The following BICD2 variants were observed in gnomAD, a reference collection of about 807,000 sequenced individuals.
The protein encoded by BICD2 is protein bicaudal D homolog 2.
In BICD2, 25 loss-of-function variants were observed where a neutral mutation model predicts 72.9. The observed-to-expected ratio is 0.34, with a 90% CI of 0.25 to 0.48. The LOEUF is 0.48. BICD2 is among the 20% of genes least tolerant of loss of function. The pLI, the probability that BICD2 is intolerant of heterozygous loss-of-function variation, is 0.99. For missense variants in BICD2, 894 were observed against 1,175.2 expected, an observed-to-expected ratio of 0.76 and a Z score of 3.50; for synonymous variants, 501 against 516.1, an observed-to-expected ratio of 0.97 and a Z score of 0.40.
intron 1 of BICD2, among the ~76,000 whole-genome samples, chr9:92,734,878 C>T (rs746128426): frequency 7.9e-5 from 12 of 152,318 alleles, no homozygotes; most frequent in South Asian, 2.1e-4. Flanking sequence ...CCATCCCACC[C>T]GTGCCCACAA....
At position 92,714,870 on chromosome 9, in the gene BICD2, C is replaced by T; in HGVS notation, c.*284G>A. 1 of 1,219,332 alleles carries T rather than the reference C, an allele frequency of 8.2e-7. No individual in the cohort carries two copies. The highest frequency in any genetic ancestry group is 3.8e-5 in the East Asian group (1 of 26,340). 75.5% of individuals were successfully genotyped at this position (1,219,332 alleles called of 1,614,324 possible). A position where few individuals can be genotyped will look rare whatever the true frequency, so the allele number is the denominator to read the frequency against. ...GTGCGCAGGGCTTAGAAGATGCTTT[C>T]ATCACACATCTGCTGCAAGAATGTG... On this transcript the variant is annotated 3_prime_UTR_variant, in exon 7 of 7. Coordinates refer to ENST00000356884, the MANE Select transcript of BICD2 (RefSeq NM_001003800.2).
At chr9:92,728,585 A>T (rs189595438) in intron 2 of BICD2, among the ~76,000 whole-genome samples, 31 of 152,276 alleles carry the variant, frequency 2.0e-4, no homozygotes, top group Admixed American at 6.5e-4. Flanking sequence ...TCTCCATGGA[A>T]TATTTGGGGT....
At chr9:92,748,159 T>C (rs547837942) in intron 1 of BICD2, among the ~76,000 whole-genome samples, 1 of 152,126 alleles carries the variant, frequency 6.6e-6, no homozygotes, top group Non-Finnish European at 1.5e-5. Flanking sequence ...CACACCCCCG[T>C]GACTCAGCAG....
intron 1 of BICD2, among the ~76,000 whole-genome samples, chr9:92,730,867 A>C (rs1853666634): frequency 6.6e-6 from 1 of 152,202 alleles, no homozygotes; most frequent in Non-Finnish European, 1.5e-5. Context: ...CCACCCATCA[A>C]CACAACACCC....
intron 1 of BICD2, among the ~76,000 whole-genome samples, chr9:92,740,414 A>G (rs2131521032): frequency 6.6e-6 from 1 of 152,272 alleles, no homozygotes; most frequent in East Asian, 1.9e-4. Context: ...GATCTCTTAA[A>G]TATATCTGTA....
chr9:92,748,333 C>T (rs1156794152), intron 1 of BICD2, among the ~76,000 whole-genome samples: 4 of 152,176 alleles, frequency 2.6e-5, no homozygotes, highest in Non-Finnish European at 4.4e-5. Context: ...TTCAAACCCC[C>T]GGGTGTAAAC....
At position 92,718,852 on chromosome 9, in the gene BICD2, G is replaced by C. The variant is rs752113639; in HGVS notation, c.1793C>G (p.Ala598Gly). Residue 598 changes from alanine (A) to glycine (G), a missense_variant, in exon 5 of 7, where the codon GCA becomes GGA. By Grantham distance (60) the Ala-to-Gly change is moderately conservative. Coordinates refer to ENST00000356884, the MANE Select transcript of BICD2 (RefSeq NM_001003800.2). Reference protein sequence around the residue: ...KGLLAPEAGRADGGTGDSSPS... With the variant: ...KGLLAPEAGRGDGGTGDSSPS... ...GCTGCTGTCCCCCGTCCCACCATCT[G>C]CTCGGCCCGCCTCAGGAGCCAGCAG... The C allele has an allele frequency of 8.7e-6, 14 of 1,601,442 alleles. No individual in the cohort carries two copies. The South Asian group carries it at 1.4e-4, about 16-fold the overall frequency.
intron 1 of BICD2, among the ~76,000 whole-genome samples, chr9:92,742,448 G>A (rs941938532): frequency 2.0e-5 from 3 of 149,924 alleles, no homozygotes; most frequent in East Asian, 2.0e-4. Flanking sequence ...GCAGTGGCGC[G>A]ATCTTGGCTC....
At chr9:92,734,197 T>C (rs944154517) in intron 1 of BICD2, among the ~76,000 whole-genome samples, 1 of 152,178 alleles carries the variant, frequency 6.6e-6, no homozygotes, top group Non-Finnish European at 1.5e-5. Context: ...TAAGTGAAGT[T>C]AATCTATGCT....
intron 1 of BICD2, among the ~76,000 whole-genome samples, chr9:92,743,256 G>A (rs933371436): frequency 1.3e-5 from 2 of 151,402 alleles, no homozygotes; most frequent in African/African-American, 4.8e-5. Flanking sequence ...GTAGTGGTGA[G>A]ATCACAGCTC....
chr9:92,740,994 T>C (rs1410047016), intron 1 of BICD2, among the ~76,000 whole-genome samples: 8 of 152,126 alleles, frequency 5.3e-5, no homozygotes, highest in Non-Finnish European at 1.0e-4. Context: ...GCCTAAAGTG[T>C]CCCTGTCCAC....
Position 92,715,391 on chromosome 9 carries a change from C to A in BICD2, c.2331G>T (p.Thr777=). The change falls in exon 7 of 7, where the codon ACG becomes ACT. Residue 777 remains threonine (T), a synonymous_variant. Transcript: ENST00000356884. ...TGGCCATGCGCAGCAGCGAGTTCAGCGTCTTCTTCTCGTCCTCAGCAGCCG... is the reference window on the plus strand; with the variant it reads ...TGGCCATGCGCAGCAGCGAGTTCAGAGTCTTCTTCTCGTCCTCAGCAGCCG... The part of the protein sequence containing the change: ...QLAAAEDEKK[T]LNSLLRMAIQ... The A allele has an allele frequency of 6.2e-7, 1 of 1,610,258 alleles. No homozygotes were observed. The highest frequency in any genetic ancestry group is 8.5e-7 in the Non-Finnish European group (1 of 1,177,414).
At chr9:92,718,194 G>A (rs931966287) in intron 5 of BICD2, among the ~76,000 whole-genome samples, 8 of 152,178 alleles carry the variant, frequency 5.3e-5, no homozygotes, top group Non-Finnish European at 1.2e-4. Context: ...GGACCTCCAC[G>A]AAGCCCCACA....
chr9:92,762,468 G>C (rs536600186), intron 1 of BICD2, among the ~76,000 whole-genome samples: 8 of 152,116 alleles, frequency 5.3e-5, no homozygotes, highest in Non-Finnish European at 1.2e-4. Context: ...AGGAGAACTA[G>C]ATTCAGAACA....
intron 1 of BICD2, among the ~76,000 whole-genome samples, chr9:92,731,676 CTGGAAGATGG>C (rs1031814544): frequency 6.6e-5 from 10 of 152,228 alleles, no homozygotes; most frequent in African/African-American, 2.2e-4. Flanking sequence ...CAAGGAGGGA[CTGGAAGATGG>C]CGGAAGATGG....
chr9:92,727,945 G>A (rs1275533859), intron 2 of BICD2, among the ~76,000 whole-genome samples: 1 of 152,200 alleles, frequency 6.6e-6, no homozygotes, highest in East Asian at 1.9e-4. Flanking sequence ...ATGAGGCTTT[G>A]CTCACACTGT....
chr9:92,712,825 T>C lies in BICD2; in HGVS notation c.*2329A>G, dbSNP rs41273372. 0.014 allele frequency: 2,133 copies of C among 152,556 alleles called. 20 individuals carry two copies. The highest frequency in any genetic ancestry group is 0.019 in the Non-Finnish European group (1,322 of 68,046). 9.5% of individuals were successfully genotyped at this position (152,556 alleles called of 1,614,324 possible). ...CCTGGATTTCTTAATGAACATGGCA[T>C]TTAAAATCTGTAATTTCAAACATGA... On this transcript the variant is annotated 3_prime_UTR_variant, in exon 7 of 7. Coordinates refer to ENST00000356884, the MANE Select transcript of BICD2 (RefSeq NM_001003800.2).
At position 92,720,846 on chromosome 9, in the gene BICD2, T is replaced by G; in HGVS notation, c.607-91A>C. On this transcript the variant is annotated intron_variant, in intron 3 of 6. Transcript: ENST00000356884. The surrounding 1 kb of genome is among the most constrained non-coding windows in gnomAD (Gnocchi z 5.4). ...GAAGAAAACACACCAGCACACCAAC[T>G]CCGGCCACTATGAAGCAAAAGATGA... is the stretch of plus-strand genomic sequence containing the variant. 3 of 1,331,660 alleles carry G rather than the reference T, an allele frequency of 2.3e-6. No individual in the cohort carries two copies. Among genetic ancestry groups the G allele is most frequent in the Non-Finnish European group, 3.1e-6 (3 of 983,458 alleles). 82.5% of individuals were successfully genotyped at this position (1,331,660 alleles called of 1,614,324 possible).
At position 92,715,161 on chromosome 9, in the gene BICD2, C is replaced by T; in HGVS notation, c.2561G>A (p.Cys854Tyr). 6.3e-7 allele frequency: 1 copy of T among 1,590,432 alleles called. No individual in the cohort carries two copies. Among genetic ancestry groups the T allele is most frequent in the Non-Finnish European group, 8.6e-7 (1 of 1,165,158 alleles). ...VFCSEKHSIYCD is the reference protein window; with the variant it reads ...VFCSEKHSIYYD ...TGCGGCGCCCCACAGCCCCTAATCA[C>T]AGTAAATGCTGTGCTTCTCGCTGCA... Residue 854 changes from cysteine to tyrosine, a missense_variant, in exon 7 of 7, where the codon TGT becomes TAT. Cys to Tyr is a radical substitution (Grantham distance 194). Transcript: ENST00000356884.
Sources: allele counts gnomAD v4.1 joint callset (sites outside exome capture counted in the v4.1 genomes callset), GRCh38; gene constraint gnomAD v4.1.1; non-coding constraint Gnocchi (gnomAD v3.1); transcripts MANE v1.5; gene names NCBI Gene and HGNC (gene_info 2026-07-23, HGNC 2026-07-21).